Variants in RANBP2 observed in about 807,000 individuals in gnomAD.
RANBP2 encodes RAN binding protein 2, also known as E3 SUMO-protein ligase RanBP2.
RANBP2 carries 57 observed loss-of-function variants against 303.6 expected under a neutral mutation model. The ratio of observed to expected loss-of-function variants is 0.19; its 90% CI spans 0.15 to 0.23. The LOEUF (loss-of-function observed/expected upper bound fraction) is 0.23, where lower values mean the gene tolerates loss of function less well. RANBP2 is among the 10% of genes least tolerant of loss of function. The probability of loss-of-function intolerance (pLI) is 1.00; values close to 1 mark genes in which losing one functional copy is unlikely to be tolerated. For synonymous variants in RANBP2, 1,167 were observed against 1,301.5 expected, an observed-to-expected ratio of 0.90 and a Z score of 2.23; for missense variants, 3,138 against 3,780.8, an observed-to-expected ratio of 0.83 and a Z score of 4.46.
chr2:108,964,754 C>G, the RANBP2 span, among the ~76,000 whole-genome samples: 1 of 152,212 alleles, frequency 6.6e-6, no homozygotes, highest in African/African-American at 2.4e-5. Context: ...CACTAAGTGA[C>G]AGCAGGCAGC....
the RANBP2 span, among the ~76,000 whole-genome samples, chr2:109,213,689 A>T: frequency 6.6e-6 from 1 of 152,220 alleles, no homozygotes; most frequent in African/African-American, 2.4e-5. Flanking sequence ...AGATGGCTTC[A>T]TCTGTCACGT....
chr2:109,079,665 T>C, the RANBP2 span, among the ~76,000 whole-genome samples: 3 of 152,194 alleles, frequency 2.0e-5, no homozygotes, highest in African/African-American at 7.2e-5. Flanking sequence ...GCTCCAGTGC[T>C]AAACGCTGGA....
the RANBP2 span, among the ~76,000 whole-genome samples, chr2:109,407,949 T>A: frequency 6.6e-6 from 1 of 152,128 alleles, no homozygotes; most frequent in Non-Finnish European, 1.5e-5. Context: ...CAGTGTTTCT[T>A]TTGCTGCTAT....
At chr2:108,743,004 T>TGG (rs1225384562) in intron 7 of RANBP2, among the ~76,000 whole-genome samples, 1 of 152,204 alleles carries the variant, frequency 6.6e-6, no homozygotes, top group Non-Finnish European at 1.5e-5. Flanking sequence ...TTAGCCAGGA[T>TGG]GGTCTCGATC....
At chr2:109,637,920 T>C in the RANBP2 span, among the ~76,000 whole-genome samples, 1 of 152,236 alleles carries the variant, frequency 6.6e-6, no homozygotes, top group South Asian at 2.1e-4. Flanking sequence ...ATCACACCAC[T>C]GCACTCCAGT....
chr2:109,577,912 CAAAA>C, the RANBP2 span, among the ~76,000 whole-genome samples: 2 of 92,328 alleles, frequency 2.2e-5, no homozygotes, highest in South Asian at 3.9e-4. Flanking sequence ...GACTTTGTCT[CAAAA>C]AAAAAAAAAA....
chr2:109,439,768 C>T, the RANBP2 span, among the ~76,000 whole-genome samples: 1 of 151,954 alleles, frequency 6.6e-6, no homozygotes, highest in African/African-American at 2.4e-5. Flanking sequence ...ACAGGCAAGG[C>T]ACCCTGCAGG....
chr2:108,752,595 A>T (rs1398119454), intron 12 of RANBP2, among the ~76,000 whole-genome samples: 1 of 146,620 alleles, frequency 6.8e-6, no homozygotes, highest in African/African-American at 2.5e-5. Context: ...AACACGGTGA[A>T]ACCCCGTCTC....
chr2:109,721,214 G>T, the RANBP2 span, among the ~76,000 whole-genome samples: 2 of 152,154 alleles, frequency 1.3e-5, no homozygotes, highest in Admixed American at 6.6e-5. Flanking sequence ...CTCGGAACAC[G>T]AACTTTCTTT....
At chr2:109,101,811 A>G in the RANBP2 span, among the ~76,000 whole-genome samples, 3 of 152,166 alleles carry the variant, frequency 2.0e-5, no homozygotes, top group Non-Finnish European at 2.9e-5. Flanking sequence ...AGTTGCCTCA[A>G]ATTCAGGGAA....
the RANBP2 span, among the ~76,000 whole-genome samples, chr2:109,055,075 T>A: frequency 6.6e-6 from 1 of 152,356 alleles, no homozygotes; most frequent in African/African-American, 2.4e-5. Flanking sequence ...CTATGAGCAT[T>A]CTTGTAGTCT....
the RANBP2 span, among the ~76,000 whole-genome samples, chr2:109,106,108 GCCCCAGCTTCCCA>G: frequency 6.7e-6 from 1 of 149,720 alleles, no homozygotes; most frequent in Non-Finnish European, 1.5e-5. Flanking sequence ...TGGTCTGCCC[GCCCCAGCTTCCCA>G]AAGTGCTGGG....
chr2:109,531,487 A>G, the RANBP2 span, among the ~76,000 whole-genome samples: 5 of 152,136 alleles, frequency 3.3e-5, no homozygotes, highest in East Asian at 7.7e-4. Context: ...CCAATCCTCC[A>G]CCCTGAACTC....
chr2:109,031,792 T>C, the RANBP2 span, among the ~76,000 whole-genome samples: 3 of 152,158 alleles, frequency 2.0e-5, no homozygotes, highest in Non-Finnish European at 2.9e-5. Flanking sequence ...GCTGCCCCAC[T>C]TTGCCCCCAG....
At chr2:109,080,032 C>A in the RANBP2 span, among the ~76,000 whole-genome samples, 1 of 152,204 alleles carries the variant, frequency 6.6e-6, no homozygotes, top group Non-Finnish European at 1.5e-5. Context: ...CGGAATAGGG[C>A]TCTAAGCATC....
the RANBP2 span, among the ~76,000 whole-genome samples, chr2:109,133,268 G>A: frequency 6.6e-6 from 1 of 152,176 alleles, no homozygotes; most frequent in East Asian, 1.9e-4. Flanking sequence ...AGCCTAATAA[G>A]TTTATCTGTA....
the RANBP2 span, among the ~76,000 whole-genome samples, chr2:109,705,806 C>T: frequency 6.6e-6 from 1 of 152,216 alleles, no homozygotes; most frequent in Admixed American, 6.5e-5. Context: ...AATGGAGCCA[C>T]CGCCTCCACA....
the RANBP2 span, among the ~76,000 whole-genome samples, chr2:109,464,739 A>G: frequency 6.6e-6 from 1 of 152,186 alleles, no homozygotes; most frequent in Non-Finnish European, 1.5e-5. Flanking sequence ...GCTCCCACAC[A>G]TGCACAATCT....
At chr2:109,043,037 G>T in the RANBP2 span, among the ~76,000 whole-genome samples, 1 of 152,102 alleles carries the variant, frequency 6.6e-6, no homozygotes, top group Non-Finnish European at 1.5e-5. Context: ...GAAATGAAAG[G>T]ACCATCATTT....
Sources: allele counts gnomAD v4.1 joint callset (sites outside exome capture counted in the v4.1 genomes callset), GRCh38; gene constraint gnomAD v4.1.1; transcripts MANE v1.5; gene names NCBI Gene and HGNC (gene_info 2026-07-23, HGNC 2026-07-21).